The following RAPGEF4 variants were observed in gnomAD, a reference collection of about 807,000 sequenced individuals.
RAPGEF4 encodes the protein Rap guanine nucleotide exchange factor 4.
Under a neutral mutation model 147.9 loss-of-function variants are expected in RAPGEF4, and 66 were observed. The observed-to-expected ratio is 0.45, with a 90% CI of 0.37 to 0.55. The LOEUF (loss-of-function observed/expected upper bound fraction) is 0.55. RAPGEF4 is among the 20% of genes least tolerant of loss of function. The probability of loss-of-function intolerance (pLI) is 0.00; values close to 1 mark genes in which losing one functional copy is unlikely to be tolerated. For synonymous variants in RAPGEF4, 419 were observed against 442.7 expected (o/e 0.95, Z 0.67); for missense variants, 1,071 against 1,257.3 (o/e 0.85, Z 2.24).
intron 4 of RAPGEF4, among the ~76,000 whole-genome samples, chr2:172,861,547 C>T (rs1056453063): frequency 1.3e-5 from 2 of 152,184 alleles, no homozygotes; most frequent in African/African-American, 4.8e-5. Flanking sequence ...AGGTGTTTGA[C>T]TGATGAAATG....
At chr2:172,839,969 A>C (rs2149699241) in intron 4 of RAPGEF4, among the ~76,000 whole-genome samples, 1 of 152,354 alleles carries the variant, frequency 6.6e-6, no homozygotes, top group African/African-American at 2.4e-5. Context: ...TGGGTCAAGA[A>C]GTGAAATGAT....
At chr2:172,971,313 A>C (rs1690458123) in intron 10 of RAPGEF4, among the ~76,000 whole-genome samples, 1 of 152,210 alleles carries the variant, frequency 6.6e-6, no homozygotes, top group Non-Finnish European at 1.5e-5. Context: ...ATGGTCTATC[A>C]GAGACCAGCC....
At chr2:172,823,371 T>C (rs1689291874) in intron 4 of RAPGEF4, among the ~76,000 whole-genome samples, 1 of 152,202 alleles carries the variant, frequency 6.6e-6, no homozygotes, top group Non-Finnish European at 1.5e-5. Context: ...CAGCCTGTCA[T>C]GTGTTGTGAT....
At chr2:172,807,273 C>G (rs908381860) in intron 3 of RAPGEF4, among the ~76,000 whole-genome samples, 1 of 152,236 alleles carries the variant, frequency 6.6e-6, no homozygotes, top group Non-Finnish European at 1.5e-5. Context: ...GACTGGCTCT[C>G]CACTGAAATG....
rs562836816 is a variant in RAPGEF4, at chr2:173,035,219, G to A, written c.2701-906G>A. 4.0e-5 allele frequency among the ~76,000 whole-genome samples: 6 copies of A among 151,652 alleles called. No individual in the cohort carries two copies. The South Asian group carries it at 1.3e-3, about 32-fold the overall frequency. On this transcript the variant is annotated intron_variant, in intron 27 of 30. Coordinates refer to ENST00000397081, the MANE Select transcript of RAPGEF4 (RefSeq NM_007023.4). ...ATAATTTTTTATTTTTTAAAAAACAGGGGTCTCGGCCAGGCACGGTGGCTC... is the reference window on the plus strand; with the variant it reads ...ATAATTTTTTATTTTTTAAAAAACAAGGGTCTCGGCCAGGCACGGTGGCTC...
intron 4 of RAPGEF4, among the ~76,000 whole-genome samples, chr2:172,896,840 G>A (rs928189728): frequency 6.6e-6 from 1 of 152,156 alleles, no homozygotes; most frequent in Non-Finnish European, 1.5e-5. Context: ...TGTGTGCTTG[G>A]TTTCTCCTTT....
intron 1 of RAPGEF4, among the ~76,000 whole-genome samples, chr2:172,753,992 G>A (rs1171003467): frequency 6.6e-6 from 1 of 152,138 alleles, no homozygotes; most frequent in Non-Finnish European, 1.5e-5. Context: ...CTTCCCAGGA[G>A]GAAAGTGGCA....
chr2:172,749,775 T>C (rs977282307), intron 1 of RAPGEF4, among the ~76,000 whole-genome samples: 2 of 152,226 alleles, frequency 1.3e-5, no homozygotes, highest in African/African-American at 4.8e-5. Flanking sequence ...TCCCGAACTT[T>C]TATGCTCTGT....
intron 4 of RAPGEF4, among the ~76,000 whole-genome samples, chr2:172,853,089 T>G (rs1307476384): frequency 6.6e-6 from 1 of 150,508 alleles, no homozygotes. Flanking sequence ...GTGTCTATGT[T>G]CATAGCAATT....
chr2:172,944,788 G>A (rs1014484415), intron 6 of RAPGEF4, among the ~76,000 whole-genome samples: 11 of 152,188 alleles, frequency 7.2e-5, no homozygotes, highest in Non-Finnish European at 1.5e-4. Context: ...AAAAAATTAT[G>A]TCCACAGTTT....
At position 173,009,551 on chromosome 2, in the gene RAPGEF4, C is replaced by T. The variant is rs190884029; in HGVS notation, c.1659-4913C>T. On this transcript the variant is annotated intron_variant, in intron 17 of 30. Coordinates refer to ENST00000397081, the MANE Select transcript of RAPGEF4 (RefSeq NM_007023.4). ...TCCAAAATTCGAAGTTTTTTTAGCT[C>T]TCATACCAGTAGGTATAATGCAAAC... is the stretch of plus-strand genomic sequence containing the variant. Among the ~76,000 whole-genome samples, 11 of 152,054 alleles carry T rather than the reference C, an allele frequency of 7.2e-5. No homozygotes were observed. In the East Asian group the frequency reaches 2.1e-3, roughly 29 times the overall value.
intron 17 of RAPGEF4, among the ~76,000 whole-genome samples, chr2:173,009,970 T>C (rs541853969): frequency 1.3e-5 from 2 of 152,306 alleles, no homozygotes; most frequent in East Asian, 3.9e-4. Context: ...AAGAAAGTAA[T>C]GTTAACATCA....
At chr2:172,800,253 A>AC (rs1208269173) in intron 3 of RAPGEF4, among the ~76,000 whole-genome samples, 2 of 152,072 alleles carry the variant, frequency 1.3e-5, no homozygotes. Context: ...TGACTCCTAC[A>AC]CCCTCTAGCC....
chr2:172,832,211 T>A (rs1321011654), intron 4 of RAPGEF4, among the ~76,000 whole-genome samples: 1 of 152,214 alleles, frequency 6.6e-6, no homozygotes, highest in Non-Finnish European at 1.5e-5. Context: ...TGAATTTTTT[T>A]TAGAAATTAA....
chr2:172,929,180 A>G (rs1409219784), intron 6 of RAPGEF4, among the ~76,000 whole-genome samples: 2 of 151,868 alleles, frequency 1.3e-5, no homozygotes, highest in Non-Finnish European at 2.9e-5. Context: ...TATTTGCAAA[A>G]TATGTCTTAT....
intron 4 of RAPGEF4, among the ~76,000 whole-genome samples, chr2:172,833,164 A>G (rs1690544424): frequency 6.8e-6 from 1 of 146,452 alleles, no homozygotes. Context: ...AGATCACGCC[A>G]TTGCACTCCA....
In RAPGEF4 at chr2:172,970,182, C is replaced by CTTT. The variant is rs71018527; in HGVS notation, c.1004+2751_1004+2753dup. Among the ~76,000 whole-genome samples the CTTT allele has an allele frequency of 6.5e-3, 907 of 140,030 alleles. 14 individuals carry two copies. The highest frequency in any genetic ancestry group is 0.029 in the South Asian group (127 of 4,398). The allele number at this position is 140,030 out of a possible 152,430, so 91.9% of individuals were successfully genotyped here. On this transcript the variant is annotated intron_variant, in intron 10 of 30. Transcript: ENST00000397081. Reference sequence around the variant, plus strand: ...CTACATGTACATACACACACACACCCTTTTTTTTTTTTTTTGATCTGCTAA... The same window carrying CTTT: ...CTACATGTACATACACACACACACCCTTTTTTTTTTTTTTTTTTGATCTGCTAA...
intron 4 of RAPGEF4, chr2:172,821,671 A>G: frequency 1.9e-6 from 2 of 1,043,182 alleles, no homozygotes; most frequent in Non-Finnish European, 2.3e-6. Context: ...AAGCTTTTCC[A>G]TGGAGTGGCA....
rs565640522 is a variant in RAPGEF4, at chr2:172,978,438, C to A, written c.1005-5058C>A. Among the ~76,000 whole-genome samples, 4 of 152,326 alleles carry A rather than the reference C, an allele frequency of 2.6e-5. No homozygotes were observed. The South Asian group carries it at 8.3e-4, about 32-fold the overall frequency. On this transcript the variant is annotated intron_variant, in intron 10 of 30. Coordinates refer to ENST00000397081, the MANE Select transcript of RAPGEF4 (RefSeq NM_007023.4). Reference sequence around the variant, plus strand: ...CCTGGAAGAGCCTGGGGTTTTCACACCCTCTGTTCTGCTTCTCCCAGGCTC... The same window carrying A: ...CCTGGAAGAGCCTGGGGTTTTCACAACCTCTGTTCTGCTTCTCCCAGGCTC...
Sources: gnomAD v4.1 joint callset for allele counts (sites outside exome capture counted in the v4.1 genomes callset) on GRCh38, gnomAD v4.1.1 for gene constraint, MANE v1.5 for transcripts, NCBI Gene and HGNC (gene_info 2026-07-23, HGNC 2026-07-21) for gene names.